SYTL2: variants seen among roughly 807,000 people sequenced by gnomAD.
The protein encoded by SYTL2 is synaptotagmin like 2, also known as synaptotagmin-like protein 2.
Under a neutral mutation model 198.7 loss-of-function variants are expected in SYTL2, and 165 were observed. The ratio of observed to expected loss-of-function variants is 0.83; its 90% CI spans 0.73 to 0.94. SYTL2 has a LOEUF of 0.94. Among genes scored for constraint, SYTL2 ranks in the 40% least tolerant of loss-of-function variants. The pLI is 0.00. For synonymous variants in SYTL2, 966 were observed against 917.7 expected, an observed-to-expected ratio of 1.05 and a Z score of -0.95; for missense variants, 2,835 against 2,582.8, an observed-to-expected ratio of 1.10 and a Z score of -2.12.
chr11:85,706,212 A>G (rs1332248923), intron 15 of SYTL2, among the ~76,000 whole-genome samples: 1 of 152,210 alleles, frequency 6.6e-6, no homozygotes. Flanking sequence ...CAAATTAACT[A>G]ATTTACTGTT....
In SYTL2 at chr11:85,724,297, A is replaced by C; in HGVS notation, c.5061T>G (p.Ser1687Arg). The change falls in exon 8 of 20, where the codon AGT becomes AGG. Residue 1687 changes from serine (S) to arginine (R), a missense_variant. Coordinates refer to ENST00000359152, the MANE Select transcript of SYTL2 (RefSeq NM_206927.4). ...KTVTPPEDRD[S>R]ESGVAGGQGT... is the part of the protein sequence containing the mutation. ...CTTGTCCCCCTGCAACCCCACTTTC[A>C]CTGTCCCTGTCCTCTGGGGGGGTTA... 6.4e-7 allele frequency: 1 copy of C among 1,565,932 alleles called. No homozygotes were observed. Among genetic ancestry groups the C allele is most frequent in the Non-Finnish European group, 8.6e-7 (1 of 1,161,364 alleles).
chr11:85,708,837 ATTTTTT>A (rs72460497), intron 14 of SYTL2, among the ~76,000 whole-genome samples: 5 of 71,596 alleles, frequency 7.0e-5, no homozygotes, highest in South Asian at 5.8e-4. Flanking sequence ...CTTCTCTGTG[ATTTTTT>A]TTTTTTTTTT....
At chr11:85,782,245 G>A (rs944650841) in intron 1 of SYTL2, among the ~76,000 whole-genome samples, 5 of 152,226 alleles carry the variant, frequency 3.3e-5, no homozygotes, top group African/African-American at 9.6e-5. Context: ...AACCTCTGAA[G>A]TAACAACTTG....
At chr11:85,699,037 C>G (rs1261188423) in intron 17 of SYTL2, among the ~76,000 whole-genome samples, 2 of 152,178 alleles carry the variant, frequency 1.3e-5, no homozygotes, top group Non-Finnish European at 2.9e-5. Context: ...GAGGATCTAT[C>G]ATAAGCTCAT....
rs562439538 is a variant in SYTL2 at position 85,751,557 on chromosome 11, C to T, written c.102-3134G>A. Among the ~76,000 whole-genome samples the T allele has an allele frequency of 7.2e-5, 11 of 152,312 alleles. No individual in the cohort carries two copies. The East Asian group carries it at 7.7e-4, about 11-fold the overall frequency. The stretch of plus-strand genomic sequence containing the variant: ...AGCAGAGAGTTAAGTAGAGAGAAGA[C>T]GCTCAGTAAACACCGGTGGGCTGGT... On this transcript the variant is annotated intron_variant, in intron 2 of 19. Transcript: ENST00000359152.
upstream of SYTL2, among the ~76,000 whole-genome samples, chr11:85,811,561 G>C (rs1003349436): frequency 1.5e-4 from 23 of 152,124 alleles, no homozygotes; most frequent in African/African-American, 5.3e-4. Flanking sequence ...GGAGGGTATG[G>C]AGCCCGGTCA....
chr11:85,805,609 T>C (rs1248204392), intron 1 of SYTL2, among the ~76,000 whole-genome samples: 2 of 152,222 alleles, frequency 1.3e-5, no homozygotes, highest in Admixed American at 1.3e-4. Context: ...TCCAGGCTCC[T>C]GTGGCCGGGA....
At chr11:85,806,025 GGTGAAGAA>G (rs2092954537) in intron 1 of SYTL2, among the ~76,000 whole-genome samples, 1 of 152,186 alleles carries the variant, frequency 6.6e-6, no homozygotes, top group Admixed American at 6.5e-5. Flanking sequence ...AGTTCACATA[GGTGAAGAA>G]GTCACTGCAG....
chr11:85,789,350 A>ATATATATATATATATG (rs2092690602), intron 1 of SYTL2, among the ~76,000 whole-genome samples: 11 of 38,240 alleles, frequency 2.9e-4, no homozygotes, highest in South Asian at 8.5e-4. Flanking sequence ...GTATATATAT[A>ATATATATATATATATG]TATATATATA....
intron 1 of SYTL2, among the ~76,000 whole-genome samples, chr11:85,764,485 T>C (rs1023309762): frequency 2.0e-5 from 3 of 152,206 alleles, no homozygotes; most frequent in African/African-American, 2.4e-5. Flanking sequence ...GAAGCCACTA[T>C]TTTTCATCTT....
Position 85,733,596 on chromosome 11 carries a change from T to TTTTTG in SYTL2, c.1390+342_1390+343insCAAAA, listed in dbSNP as rs1565945962. The TTTTTG allele has an allele frequency of 9.2e-5, 12 of 130,134 alleles. 2 individuals carry two copies. Among genetic ancestry groups the TTTTTG allele is most frequent in the Admixed American group, 3.1e-4 (4 of 12,828 alleles). 8.1% of individuals were successfully genotyped at this position (130,134 alleles called of 1,614,324 possible). On this transcript the variant is annotated intron_variant, in intron 7 of 19. Transcript: ENST00000359152. Reference sequence around the variant, plus strand: ...AGCCCACCAAGTTTTTTTTTTTTGTTTTTTTTTTTTTTTTGAGACGGAGTC... The same window carrying TTTTTG: ...AGCCCACCAAGTTTTTTTTTTTTGTTTTTTGTTTTTTTTTTTTTTGAGACGGAGTC...
intron 8 of SYTL2, among the ~76,000 whole-genome samples, chr11:85,723,783 A>C (rs2088697736): frequency 6.6e-6 from 1 of 151,974 alleles, no homozygotes; most frequent in Admixed American, 6.5e-5. Context: ...TAATTTTTTT[A>C]ATTAAGAAAG....
chr11:85,702,499 T>C (rs551020766), intron 16 of SYTL2, among the ~76,000 whole-genome samples: 8 of 152,266 alleles, frequency 5.3e-5, no homozygotes, highest in Middle Eastern at 3.4e-3. Flanking sequence ...AATCTGTGAT[T>C]TAATAAGTCC....
chr11:85,718,433 G>T (rs1203000296), intron 10 of SYTL2: 3 of 222,902 alleles, frequency 1.3e-5, no homozygotes, highest in East Asian at 1.1e-4. Flanking sequence ...TCAAACAGAA[G>T]AATAACTTAA....
rs1349437586 is a variant in SYTL2 at position 85,734,043 on chromosome 11, G to A, written c.1286C>T (p.Thr429Ile). The part of the protein sequence containing the change: ...NGLHSHSEVL[T>I]ARPQSMENSP... ...ATTCTCCATAGACTGTGGTCTTGCA[G>A]TTAAAACTTCTGAATGAGAATGCAG... is the stretch of plus-strand genomic sequence containing the variant. Residue 429 changes from threonine to isoleucine, a missense_variant, in exon 7 of 20, where the codon ACT becomes ATT. Around this residue, in one of 3 missense-constraint regions of SYTL2, gnomAD observed 2,645 missense variants for 2,381.7 expected, o/e 1.11. Coordinates refer to ENST00000359152, the MANE Select transcript of SYTL2 (RefSeq NM_206927.4). The A allele has an allele frequency of 6.2e-7, 1 of 1,614,042 alleles. No homozygotes were observed. Among genetic ancestry groups the A allele is most frequent in the Non-Finnish European group, 8.5e-7 (1 of 1,179,872 alleles).
chr11:85,843,279 A>C, the SYTL2 span, among the ~76,000 whole-genome samples: 1 of 152,154 alleles, frequency 6.6e-6, no homozygotes, highest in Non-Finnish European at 1.5e-5. Flanking sequence ...GAGGCAGAAG[A>C]ATTACTCGAA....
Position 85,757,853 on chromosome 11 carries a change from A to T in SYTL2, c.-128T>A. 1 of 1,411,902 alleles carries T rather than the reference A, an allele frequency of 7.1e-7. No individual in the cohort carries two copies. The highest frequency in any genetic ancestry group is 9.6e-7 in the Non-Finnish European group (1 of 1,045,692). 87.5% of individuals were successfully genotyped at this position (1,411,902 alleles called of 1,614,324 possible). A position where few individuals can be genotyped will look rare whatever the true frequency, so the allele number is the denominator to read the frequency against. ...AAATATCTTGTTCAGTTCTGCATCA[A>T]AGTCTTATTTTGGCTCAGCAAAAGT... On this transcript the variant is annotated 5_prime_UTR_variant, in exon 2 of 20. In the 5' UTR this introduces an upstream ATG that the reference lacks. Transcript: ENST00000359152.
intron 1 of SYTL2, among the ~76,000 whole-genome samples, chr11:85,781,269 A>G (rs2092555197): frequency 1.3e-5 from 2 of 152,166 alleles, no homozygotes; most frequent in South Asian, 2.1e-4. Flanking sequence ...AGCCCCTTAT[A>G]AAACCATCAG....
chr11:85,701,993 T>C (rs2084364513), intron 16 of SYTL2, among the ~76,000 whole-genome samples: 1 of 152,150 alleles, frequency 6.6e-6, no homozygotes, highest in African/African-American at 2.4e-5. Flanking sequence ...AGCAGGACTT[T>C]TAGCAGTTTC....
Sources: allele counts gnomAD v4.1 joint callset (sites outside exome capture counted in the v4.1 genomes callset), GRCh38; gene constraint gnomAD v4.1.1; regional missense constraint gnomAD v4.1.1; transcripts MANE v1.5; gene names NCBI Gene and HGNC (gene_info 2026-07-23, HGNC 2026-07-21).